CFH: variants seen among roughly 807,000 people sequenced by gnomAD.
CFH encodes H factor 1 (complement).
A neutral mutation model predicts 147.3 loss-of-function variants in CFH; 53 were observed. The ratio of observed to expected loss-of-function variants is 0.36; its 90% CI spans 0.29 to 0.45. The LOEUF is 0.45. Ranked by LOEUF, CFH falls within the 20% of genes least tolerant of loss-of-function variation. The probability of loss-of-function intolerance (pLI) is 1.00; values close to 1 mark genes in which losing one functional copy is unlikely to be tolerated. For synonymous variants in CFH, 536 were observed against 489.4 expected (o/e 1.10, Z -1.26); for missense variants, 1,380 against 1,498.0 (o/e 0.92, Z 1.30).
At chr1:196,721,782 C>A (rs977244547) in intron 11 of CFH, among the ~76,000 whole-genome samples, 7 of 150,166 alleles carry the variant, frequency 4.7e-5, no homozygotes, top group Non-Finnish European at 1.0e-4. Context: ...TATCTTCTTG[C>A]TTCCTTTATC....
chr1:196,692,192 C>T (rs1005945989), intron 9 of CFH, among the ~76,000 whole-genome samples: 1 of 152,038 alleles, frequency 6.6e-6, no homozygotes, highest in Non-Finnish European at 1.5e-5. Context: ...TGCAATGTCG[C>T]GATCTCGCCT....
chr1:196,720,256 G>A (rs1400460273), intron 11 of CFH, among the ~76,000 whole-genome samples: 1 of 151,888 alleles, frequency 6.6e-6, no homozygotes, highest in African/African-American at 2.4e-5. Context: ...GGTGTTTTAT[G>A]ATGTGTTCTT....
Position 196,692,820 on chromosome 1 carries a change from TTCTC to T in CFH, c.1336+2583_1336+2586del, listed in dbSNP as rs1345264619. On this transcript the variant is annotated intron_variant, in intron 9 of 21. Transcript: ENST00000367429. ...TTTCTTTCTTTCTTTCTTTCTTTCT[TTCTC>T]TTTCCTTCTTTCTTTCTTCCTTCCC... Among the ~76,000 whole-genome samples the T allele has an allele frequency of 4.5e-5, 3 of 66,264 alleles. 1 individual carries two copies. The highest frequency in any genetic ancestry group is 1.2e-3 in the South Asian group (2 of 1,688). The allele number at this position is 66,264 out of a possible 152,430, so 43.5% of individuals were successfully genotyped here. A position where few individuals can be genotyped will look rare whatever the true frequency, so the allele number is the denominator to read the frequency against.
At position 196,691,325 on chromosome 1, in the gene CFH, G is replaced by GTACTTAC. The variant is rs1200869841; in HGVS notation, c.1336+1086_1336+1087insTACTTAC. On this transcript the variant is annotated intron_variant, in intron 9 of 21. Transcript: ENST00000367429. ...TCTCTAGTATATGTAAGTACAAATG[G>GTACTTAC]GTATTCTGAGATCTTGTGCATATTC... Among the ~76,000 whole-genome samples the GTACTTAC allele has an allele frequency of 2.2e-4, 34 of 152,046 alleles. No homozygotes were observed. The East Asian group carries it at 4.7e-3, about 21-fold the overall frequency.
chr1:196,691,984 G>A (rs1300383875), intron 9 of CFH, among the ~76,000 whole-genome samples: 2 of 151,692 alleles, frequency 1.3e-5, no homozygotes, highest in Non-Finnish European at 2.9e-5. Context: ...AATTTTTATA[G>A]TACCTTTCTC....
intron 18 of CFH, chr1:196,741,129 T>C (rs1045509500): frequency 3.4e-6 from 1 of 290,912 alleles, no homozygotes; most frequent in Non-Finnish European, 6.6e-6. Context: ...TATAAGTACA[T>C]TTTCTGAAAT....
At chr1:196,719,069 G>A (rs927383466) in intron 11 of CFH, among the ~76,000 whole-genome samples, 1 of 151,972 alleles carries the variant, frequency 6.6e-6, no homozygotes, top group Non-Finnish European at 1.5e-5. Context: ...TAAATAAGGA[G>A]TATGTATCTC....
At chr1:196,652,596 T>C (rs908388669) in intron 1 of CFH, among the ~76,000 whole-genome samples, 3 of 151,904 alleles carry the variant, frequency 2.0e-5, no homozygotes, top group Non-Finnish European at 4.4e-5. Flanking sequence ...TCAAATATGA[T>C]TTTAACTCTT....
chr1:196,671,522 G>A (rs1223140111), intron 1 of CFH, among the ~76,000 whole-genome samples: 1 of 150,384 alleles, frequency 6.6e-6, no homozygotes, highest in Non-Finnish European at 1.5e-5. Flanking sequence ...TAGTCTCAAA[G>A]ATTAAACCCT....
At chr1:196,729,912 T>G (rs989071494) in intron 15 of CFH, among the ~76,000 whole-genome samples, 2 of 151,920 alleles carry the variant, frequency 1.3e-5, no homozygotes, top group African/African-American at 4.8e-5. Flanking sequence ...CTTTGTATTT[T>G]TTTGATATCA....
intron 10 of CFH, among the ~76,000 whole-genome samples, chr1:196,714,635 GTATATATATATATATA>G (rs1176351357): frequency 2.0e-4 from 5 of 24,924 alleles, no homozygotes; most frequent in Non-Finnish European, 2.9e-4. Flanking sequence ...ACGTATATAT[GTATATATATATATATA>G]TATATATATA....
chr1:196,673,350 A>G (rs1237990673), intron 2 of CFH, 187 bp downstream of exon 2: 6 of 601,040 alleles, frequency 1.0e-5, no homozygotes, highest in South Asian at 4.1e-5. Context: ...GCAGTGGCGC[A>G]ATTTTGAGAT....
At chr1:196,666,755 G>A (rs1314160537) in intron 1 of CFH, among the ~76,000 whole-genome samples, 1 of 148,936 alleles carries the variant, frequency 6.7e-6, no homozygotes, top group African/African-American at 2.5e-5. Context: ...AGGTTGTGGT[G>A]AGCTGAGATT....
At chr1:196,667,402 A>G (rs1443871093) in intron 1 of CFH, among the ~76,000 whole-genome samples, 2 of 152,220 alleles carry the variant, frequency 1.3e-5, no homozygotes, top group African/African-American at 4.8e-5. Context: ...CAATTATTAC[A>G]TCTTTCTGTT....
intron 1 of CFH, among the ~76,000 whole-genome samples, chr1:196,653,193 A>AAAAATATTCAAATATGTTTAATACC (rs1666563612): frequency 6.6e-6 from 1 of 151,776 alleles, no homozygotes; most frequent in Non-Finnish European, 1.5e-5. Context: ...TGGTAATTTA[A>AAAAATATTCAAATATGTTTAATACC]AAAATATTCA....
At position 196,737,721 on chromosome 1, in the gene CFH, G is replaced by T. The variant is rs1652610656; in HGVS notation, c.2782+61G>T. 4.3e-6 allele frequency: 6 copies of T among 1,387,400 alleles called. No individual in the cohort carries two copies. The East Asian group carries it at 9.4e-5, about 22-fold the overall frequency. 85.9% of individuals were successfully genotyped at this position (1,387,400 alleles called of 1,614,324 possible). ...GTAGAATTCATAAAAATAATCTCTT[G>T]TTATCAAAGTGAGGGGAATAATTGA... On this transcript the variant is annotated intron_variant, in intron 17 of 21. Coordinates refer to ENST00000367429, the MANE Select transcript of CFH (RefSeq NM_000186.4).
chr1:196,728,047 C>T (rs35263559), intron 14 of CFH, among the ~76,000 whole-genome samples: 2,216 of 152,142 alleles, frequency 0.015, 57 homozygotes, highest in African/African-American at 0.05. Context: ...TCTAAGAGTC[C>T]TAATGTCCAA....
chr1:196,673,983 G>T, intron 3 of CFH, 21 bp downstream of exon 3: 1 of 1,496,936 alleles, frequency 6.7e-7, no homozygotes, highest in South Asian at 1.1e-5. Flanking sequence ...CATACGAAAA[G>T]AGGTTTATAA....
intron 1 of CFH, among the ~76,000 whole-genome samples, chr1:196,671,587 TAC>T (rs551313147): frequency 0.054 from 6,927 of 129,304 alleles, 173 homozygotes; most frequent in African/African-American, 0.055. Context: ...AAAAGACTAA[TAC>T]ACACACACAC....
Sources: gnomAD v4.1 joint callset for allele counts (sites outside exome capture counted in the v4.1 genomes callset) on GRCh38, gnomAD v4.1.1 for gene constraint, MANE v1.5 for transcripts, NCBI Gene and HGNC (gene_info 2026-07-23, HGNC 2026-07-21) for gene names.